Variants in BMAL2 observed in about 807,000 individuals in gnomAD.
BMAL2 encodes the protein basic helix-loop-helix ARNT-like protein 2.
the BMAL2 span, among the ~76,000 whole-genome samples, chr12:27,417,839 A>G: frequency 6.6e-6 from 1 of 151,878 alleles, no homozygotes; most frequent in Admixed American, 6.6e-5. Flanking sequence ...TAAAAATACA[A>G]AAAATTAGCC....
the BMAL2 span, among the ~76,000 whole-genome samples, chr12:27,376,988 A>C: frequency 7.2e-6 from 1 of 138,694 alleles, no homozygotes; most frequent in South Asian, 2.4e-4. Flanking sequence ...GCGACAGAGC[A>C]AAACTCCGTC....
chr12:27,380,475 C>A, the BMAL2 span: 1 of 1,532,550 alleles, frequency 6.5e-7, no homozygotes, highest in South Asian at 1.2e-5. Flanking sequence ...CTGATTGGTT[C>A]GCTTTGCTGT....
the BMAL2 span, among the ~76,000 whole-genome samples, chr12:27,350,689 C>CT: frequency 3.3e-5 from 5 of 151,924 alleles, no homozygotes; most frequent in Non-Finnish European, 5.9e-5. Context: ...TTTCTTTTTT[C>CT]TTTTTTTGGA....
At chr12:27,400,655 G>T in the BMAL2 span, 1 of 1,613,958 alleles carries the variant, frequency 6.2e-7, no homozygotes, top group Non-Finnish European at 8.5e-7. Flanking sequence ...CCTGCCTTGT[G>T]GCCATTGGAA....
chr12:27,364,395 A>G, the BMAL2 span, among the ~76,000 whole-genome samples: 1 of 152,162 alleles, frequency 6.6e-6, no homozygotes, highest in Non-Finnish European at 1.5e-5. Flanking sequence ...TTTTCCATAG[A>G]GAAAACCAAT....
chr12:27,425,243 C>G, the BMAL2 span: 6 of 151,584 alleles, frequency 4.0e-5, no homozygotes, highest in African/African-American at 1.2e-4. Flanking sequence ...TATAATTACT[C>G]ATTTGTAGTT....
chr12:27,424,777 A>G, the BMAL2 span: 7 of 152,234 alleles, frequency 4.6e-5, no homozygotes, highest in African/African-American at 1.7e-4. Context: ...GCTAGAAGCC[A>G]TAAAGAAAAG....
At chr12:27,333,528 G>C in the BMAL2 span, among the ~76,000 whole-genome samples, 3 of 152,394 alleles carry the variant, frequency 2.0e-5, no homozygotes, top group Admixed American at 6.5e-5. Flanking sequence ...TCTTTCTTTT[G>C]TGTAAACCAG....
the BMAL2 span, among the ~76,000 whole-genome samples, chr12:27,354,579 T>TA: frequency 1.3e-5 from 2 of 152,078 alleles, no homozygotes; most frequent in South Asian, 2.1e-4. Flanking sequence ...AAATGAGATT[T>TA]AAAAAAAACC....
chr12:27,393,524 T>G, the BMAL2 span, among the ~76,000 whole-genome samples: 4 of 152,148 alleles, frequency 2.6e-5, no homozygotes, highest in Non-Finnish European at 5.9e-5. Flanking sequence ...AAATGGTAAG[T>G]AGGGATGCCC....
chr12:27,401,150 C>A, the BMAL2 span: 9 of 879,826 alleles, frequency 1.0e-5, no homozygotes, highest in Middle Eastern at 2.2e-4. Context: ...GTCACTCATC[C>A]CCTACCCTGT....
chr12:27,367,781 TG>T, the BMAL2 span, among the ~76,000 whole-genome samples: 6,211 of 151,320 alleles, frequency 0.041, 154 homozygotes, highest in Non-Finnish European at 0.061. Flanking sequence ...ATATATAATG[TG>T]TGTATATATA....
chr12:27,390,794 C>T, the BMAL2 span, among the ~76,000 whole-genome samples: 1 of 152,092 alleles, frequency 6.6e-6, no homozygotes, highest in Non-Finnish European at 1.5e-5. Flanking sequence ...TGGGAAATTT[C>T]AGGGACTACA....
the BMAL2 span, among the ~76,000 whole-genome samples, chr12:27,365,514 G>A: frequency 6.6e-6 from 1 of 151,942 alleles, no homozygotes; most frequent in Admixed American, 6.6e-5. Flanking sequence ...GGTCAGGGTA[G>A]TCCCTCTTTT....
the BMAL2 span, among the ~76,000 whole-genome samples, chr12:27,377,783 A>G: frequency 6.6e-6 from 1 of 152,144 alleles, no homozygotes; most frequent in African/African-American, 2.4e-5. Context: ...CAAATAGAAC[A>G]AAGTATGAGT....
chr12:27,380,057 C>T, the BMAL2 span, among the ~76,000 whole-genome samples: 3 of 152,216 alleles, frequency 2.0e-5, no homozygotes, highest in East Asian at 1.9e-4. Context: ...CCAAGGGCAG[C>T]GAGTTTTATG....
chr12:27,357,802 C>A, the BMAL2 span, among the ~76,000 whole-genome samples: 3 of 152,128 alleles, frequency 2.0e-5, no homozygotes, highest in African/African-American at 7.2e-5. Context: ...ATATAATTGG[C>A]AAGCCACATG....
At chr12:27,370,809 T>C in the BMAL2 span, among the ~76,000 whole-genome samples, 1 of 152,200 alleles carries the variant, frequency 6.6e-6, no homozygotes, top group South Asian at 2.1e-4. Context: ...TTTCACCATG[T>C]TGGCCAGGAT....
chr12:27,390,912 T>TTA, the BMAL2 span, among the ~76,000 whole-genome samples: 1 of 152,178 alleles, frequency 6.6e-6, no homozygotes, highest in African/African-American at 2.4e-5. Flanking sequence ...AAAAGGATAT[T>TTA]TATATGGAGC....
Sources: gnomAD v4.1 joint callset for allele counts (sites outside exome capture counted in the v4.1 genomes callset) on GRCh38, gnomAD v4.1.1 for gene constraint, MANE v1.5 for transcripts, NCBI Gene and HGNC (gene_info 2026-07-23, HGNC 2026-07-21) for gene names.